The following RPL23A variants were observed in gnomAD, a reference collection of about 807,000 sequenced individuals.
The protein encoded by RPL23A is large ribosomal subunit protein uL23.
Under a neutral mutation model 17.6 loss-of-function variants are expected in RPL23A, and 2 were observed. The observed-to-expected ratio is 0.11, with a 90% confidence interval of 0.05 to 0.36. RPL23A has a LOEUF of 0.36. RPL23A is among the 10% of genes least tolerant of loss of function. The pLI, the probability that RPL23A is intolerant of heterozygous loss-of-function variation, is 1.00. For missense variants in RPL23A, 132 were observed against 194.4 expected, an observed-to-expected ratio of 0.68 and a Z score of 1.91; for synonymous variants, 65 against 74.3, an observed-to-expected ratio of 0.87 and a Z score of 0.65.
intron 3 of RPL23A, chr17:28,723,322 A>G (rs1164133246): frequency 5.9e-6 from 4 of 681,862 alleles, no homozygotes; most frequent in Non-Finnish European, 1.1e-5. Context: ...TCTATTGGGA[A>G]AGGCAACTAG....
chr17:28,720,472 G>GCGTT (rs1332554153), intron 1 of RPL23A: 1 of 1,604,560 alleles, frequency 6.2e-7, no homozygotes, highest in Non-Finnish European at 8.5e-7. Flanking sequence ...AAAGTATCAA[G>GCGTT]CGTTCATTCA....
rs1567753455 is a variant in RPL23A, at chr17:28,723,650, C to T, written c.456+10C>T. The T allele has an allele frequency of 6.2e-6, 10 of 1,612,986 alleles. No individual in the cohort carries two copies. In the East Asian group the frequency reaches 8.9e-5, roughly 14 times the overall value. Reference sequence around the variant, plus strand: ...GGATGTTGCCAACAAAGTAAGTTTCCTTCCTACAAACCCCTTAATGCTCAC... The same window carrying T: ...GGATGTTGCCAACAAAGTAAGTTTCTTTCCTACAAACCCCTTAATGCTCAC... On this transcript the variant is annotated intron_variant, in intron 4 of 4. Coordinates refer to ENST00000422514, the MANE Select transcript of RPL23A (RefSeq NM_000984.6).
At chr17:28,723,434 A>C (rs1302807774) in intron 3 of RPL23A, 137 bp from the exon 4 acceptor site, 1 of 793,584 alleles carries the variant, frequency 1.3e-6, no homozygotes, top group Admixed American at 1.7e-5. Flanking sequence ...CCTCTGGGCT[A>C]ATGATGGAAA....
intron 2 of RPL23A, chr17:28,721,447 A>G (rs984890284): frequency 1.9e-5 from 3 of 156,540 alleles, no homozygotes; most frequent in Non-Finnish European, 2.8e-5. Context: ...TGGGGGGAGT[A>G]TAAAGTAGAA....
chr17:28,720,118 A>G (rs1191822173), intron 1 of RPL23A, 88 bp downstream of exon 1: 5 of 1,536,952 alleles, frequency 3.3e-6, no homozygotes, highest in Non-Finnish European at 4.4e-6. Context: ...TGCTGGGCTA[A>G]GCCCTGAGGG....
At chr17:28,722,967 C>T (rs2034142394) in intron 3 of RPL23A, 68 bp downstream of exon 3, 2 of 1,284,356 alleles carry the variant, frequency 1.6e-6, no homozygotes, top group African/African-American at 1.5e-5. Context: ...AACCTGCATT[C>T]CATGAAGCTT....
In RPL23A at chr17:28,722,741, C is replaced by G. The variant is rs771105556; in HGVS notation, c.228C>G (p.Ile76Met). 6.2e-7 allele frequency: 1 copy of G among 1,614,104 alleles called. No individual in the cohort carries two copies. Among genetic ancestry groups the G allele is most frequent in the Non-Finnish European group, 8.5e-7 (1 of 1,179,982 alleles). The change falls in exon 3 of 5, where the codon ATC becomes ATG. Residue 76 changes from isoleucine (I) to methionine (M), a missense_variant. By Grantham distance (10) the Ile-to-Met change is conservative. Around this residue, in one of 2 missense-constraint regions of RPL23A, gnomAD observed 69 missense variants for 145.5 expected, o/e 0.47. Transcript: ENST00000422514. ...PRRNKLDHYAIIKFPLTTESA... is the reference protein window; with the variant it reads ...PRRNKLDHYAMIKFPLTTESA... ...CTCCCAGGCTTGACCACTATGCTAT[C>G]ATCAAGTTTCCGCTGACCACTGAGT... is the stretch of plus-strand genomic sequence containing the variant.
At chr17:28,723,270 G>A (rs2034148802) in intron 3 of RPL23A, 1 of 566,448 alleles carries the variant, frequency 1.8e-6, no homozygotes, top group Admixed American at 2.7e-5. Flanking sequence ...AGGCTTTCTA[G>A]GACTTGATTG....
rs1465008579 is a variant in RPL23A at position 28,722,798 on chromosome 17, A to G, written c.285A>G (p.Thr95=). The G allele has an allele frequency of 2.5e-6, 4 of 1,612,596 alleles. No homozygotes were observed. The highest frequency in any genetic ancestry group is 3.4e-6 in the Non-Finnish European group (4 of 1,178,852). The change falls in exon 3 of 5, where the codon ACA becomes ACG. Residue 95 remains threonine, a synonymous_variant. Coordinates refer to ENST00000422514, the MANE Select transcript of RPL23A (RefSeq NM_000984.6). The stretch of plus-strand genomic sequence containing the variant: ...TGAAGAAGATAGAAGACAACAACAC[A>G]CTTGTGTTCATTGTGGATGTTAAAG... ...SAMKKIEDNN[T]LVFIVDVKAN...
In RPL23A at chr17:28,724,307, T is replaced by G. The variant is rs1175089644; in HGVS notation, c.*426T>G. 1.4e-6 allele frequency: 1 copy of G among 713,268 alleles called. No homozygotes were observed. Among genetic ancestry groups the G allele is most frequent in the Non-Finnish European group, 2.4e-6 (1 of 423,380 alleles). The allele number at this position is 713,268 out of a possible 1,614,324, so 44.2% of individuals were successfully genotyped here. A position where few individuals can be genotyped will look rare whatever the true frequency, so the allele number is the denominator to read the frequency against. ...ACCCATCTACTATGTCCAACCGGTCTGTCTGCTTCCCTCACCCCTTGCCCA... is the reference window on the plus strand; with the variant it reads ...ACCCATCTACTATGTCCAACCGGTCGGTCTGCTTCCCTCACCCCTTGCCCA... On this transcript the variant is annotated 3_prime_UTR_variant, in exon 5 of 5. Transcript: ENST00000422514.
chr17:28,720,537 C>G (rs745767652), intron 1 of RPL23A, 170 bp from the exon 2 acceptor site: 1 of 1,441,656 alleles, frequency 6.9e-7, no homozygotes, highest in Admixed American at 1.7e-5. Context: ...TGGTCGCTTT[C>G]GCCTCTGGTA....
intron 1 of RPL23A, chr17:28,720,234 GCA>G (rs1443749248): frequency 6.5e-7 from 1 of 1,538,508 alleles, no homozygotes; most frequent in Non-Finnish European, 8.8e-7. Context: ...TTGGGGGGGG[GCA>G]ACGCGGCAGG....
intron 1 of RPL23A, chr17:28,720,314 C>T (rs928344363): frequency 6.4e-7 from 1 of 1,550,610 alleles, no homozygotes; most frequent in Non-Finnish European, 8.7e-7. Flanking sequence ...GTTGGAGCTC[C>T]ATGTCCCCGG....
intron 4 of RPL23A, 49 bp from the exon 5 acceptor site, chr17:28,723,818 T>G (rs377495511): frequency 1.3e-6 from 2 of 1,567,134 alleles, no homozygotes; most frequent in Non-Finnish European, 1.8e-6. Context: ...CATTCCAGCT[T>G]AATCTTCATA....
chr17:28,723,836 T>G, intron 4 of RPL23A, 31 bp from the exon 5 acceptor site: 1 of 1,599,084 alleles, frequency 6.3e-7, no homozygotes, highest in Non-Finnish European at 8.6e-7. Flanking sequence ...ATATTTCAAC[T>G]CCAGTAACGA....
chr17:28,721,008 T>A, intron 2 of RPL23A, 118 bp downstream of exon 2: 1 of 850,138 alleles, frequency 1.2e-6, no homozygotes, highest in Non-Finnish European at 1.9e-6. Flanking sequence ...TGTGCTTCTC[T>A]AATTGGAAGT....
At position 28,722,787 on chromosome 17, in the gene RPL23A, G is replaced by C. The variant is rs1380064713; in HGVS notation, c.274G>C (p.Asp92His). The C allele has an allele frequency of 6.2e-7, 1 of 1,613,264 alleles. No homozygotes were observed. Among genetic ancestry groups the C allele is most frequent in the African/African-American group, 1.3e-5 (1 of 74,892 alleles). The change falls in exon 3 of 5, where the codon GAC (aspartate) becomes CAC (histidine). Residue 92 changes from aspartate to histidine, a missense_variant. By Grantham distance (81) the Asp-to-His change is moderately conservative. This residue lies in a region of RPL23A where 69 missense variants were observed against 145.5 expected (regional missense o/e 0.47). Coordinates refer to ENST00000422514, the MANE Select transcript of RPL23A (RefSeq NM_000984.6). ...TGAGTCTGCCATGAAGAAGATAGAA[G>C]ACAACAACACACTTGTGTTCATTGT... ...TTESAMKKIEDNNTLVFIVDV... is the reference protein window; with the variant it reads ...TTESAMKKIEHNNTLVFIVDV...
intron 2 of RPL23A, chr17:28,722,461 G>C: frequency 1.7e-6 from 1 of 583,602 alleles, no homozygotes; most frequent in Admixed American, 1.9e-5. Flanking sequence ...ACAGCCATGA[G>C]CCAGCACACC....
chr17:28,722,135 A>G (rs982281567), intron 2 of RPL23A, among the ~76,000 whole-genome samples: 6 of 151,484 alleles, frequency 4.0e-5, no homozygotes, highest in Non-Finnish European at 7.4e-5. Context: ...TAGTCCCACT[A>G]CTGAGTCCCA....
Sources: allele counts gnomAD v4.1 joint callset (sites outside exome capture counted in the v4.1 genomes callset), GRCh38; gene constraint gnomAD v4.1.1; regional missense constraint gnomAD v4.1.1; transcripts MANE v1.5; gene names NCBI Gene and HGNC (gene_info 2026-07-23, HGNC 2026-07-21).